The following GYG1 variants were observed in gnomAD, a reference collection of about 807,000 sequenced individuals.
GYG1 encodes glycogenin 1.
A neutral mutation model predicts 41.9 loss-of-function variants in GYG1; 44 were observed. The observed-to-expected ratio is 1.05, with a 90% CI of 0.83 to 1.35. The LOEUF is 1.35. Ranked by LOEUF, GYG1 falls within the 40% of genes most tolerant of loss-of-function variation. The pLI is 0.00. For synonymous variants in GYG1, 141 were observed against 158.1 expected (o/e 0.89, Z 0.81); for missense variants, 429 against 418.9 (o/e 1.02, Z -0.21).
chr3:149,030,330 A>C lies in GYG1; in HGVS notation c.*3397A>C, dbSNP rs2107929946. ...TTATCCTTCTTAGGAAGGACAAATT[A>C]AATTTTTTAAATTAAACTTTTAAAA... is the stretch of plus-strand genomic sequence containing the variant. On this transcript the variant is annotated 3_prime_UTR_variant, in exon 8 of 8. Coordinates refer to ENST00000345003, the MANE Select transcript of GYG1 (RefSeq NM_004130.4). The C allele has an allele frequency of 6.6e-6, 1 of 152,322 alleles. No homozygotes were observed. Among genetic ancestry groups the C allele is most frequent in the Middle Eastern group, 3.4e-3 (1 of 294 alleles). The allele number at this position is 152,322 out of a possible 1,614,324, so 9.4% of individuals were successfully genotyped here.
At chr3:149,026,339 T>TATC in intron 6 of GYG1, 113 bp from the exon 7 acceptor site, 1 of 779,570 alleles carries the variant, frequency 1.3e-6, no homozygotes, top group Non-Finnish European at 2.4e-6. Flanking sequence ...GCCTGTTGGG[T>TATC]ATCATTTTGT....
intron 5 of GYG1, among the ~76,000 whole-genome samples, chr3:149,015,503 C>G (rs1186678731): frequency 2.0e-5 from 3 of 152,056 alleles, no homozygotes; most frequent in Non-Finnish European, 4.4e-5. Flanking sequence ...ATTGCAGAAG[C>G]CGAGCAAGGA....
chr3:149,026,762 A>C lies in GYG1; in HGVS notation c.882A>C (p.Glu294Asp). 1 of 1,599,260 alleles carries C rather than the reference A, an allele frequency of 6.3e-7. No homozygotes were observed. The highest frequency in any genetic ancestry group is 1.1e-5 in the South Asian group (1 of 90,784). Reference protein sequence around the residue: ...LAFSCGFCRKEDVSGAISHLS... With the variant: ...LAFSCGFCRKDDVSGAISHLS... ...GTCAATTATGCTTTCCTTTCTAGGA[A>C]GATGTCTCAGGAGCCATATCACATC... is the stretch of plus-strand genomic sequence containing the variant. Residue 294 changes from glutamate to aspartate, a missense_variant and splice_region_variant, in exon 8 of 8, where the codon GAA (glutamate) becomes GAC (aspartate). By Grantham distance (45) the Glu-to-Asp change is conservative. Transcript: ENST00000345003.
chr3:149,023,252 T>C (rs1354984932), intron 5 of GYG1, among the ~76,000 whole-genome samples: 2 of 152,192 alleles, frequency 1.3e-5, no homozygotes, highest in Non-Finnish European at 1.5e-5. Flanking sequence ...ATTAGTCAAG[T>C]CAAGCCAAGC....
chr3:148,991,617 G>A lies in GYG1; in HGVS notation c.-24G>A. On this transcript the variant is annotated 5_prime_UTR_variant, in exon 1 of 8. Coordinates refer to ENST00000345003, the MANE Select transcript of GYG1 (RefSeq NM_004130.4). ...GAGTCACCAACCTGAGGCTGCCCCG[G>A]CCGCCTGCGCACCCGGCAGCACCAT... is the stretch of plus-strand genomic sequence containing the variant. The A allele has an allele frequency of 6.4e-7, 1 of 1,554,466 alleles. No homozygotes were observed.
At chr3:149,015,784 C>T (rs912435836) in intron 5 of GYG1, among the ~76,000 whole-genome samples, 4 of 151,976 alleles carry the variant, frequency 2.6e-5, no homozygotes, top group Non-Finnish European at 5.9e-5. Flanking sequence ...AATGTAGGTT[C>T]GAGAGAGGGC....
intron 5 of GYG1, among the ~76,000 whole-genome samples, chr3:149,013,052 G>A (rs1167326190): frequency 4.3e-5 from 6 of 138,726 alleles, no homozygotes; most frequent in Non-Finnish European, 9.2e-5. Flanking sequence ...ACACGGTTTT[G>A]CCATGTTGCC....
intron 1 of GYG1, among the ~76,000 whole-genome samples, chr3:148,993,462 C>G (rs1712604491): frequency 6.6e-6 from 1 of 152,028 alleles, no homozygotes; most frequent in Non-Finnish European, 1.5e-5. Context: ...GGGAAAGCCT[C>G]TTTGAGGAGC....
At chr3:149,021,152 G>A (rs1315872532) in intron 5 of GYG1, among the ~76,000 whole-genome samples, 2 of 152,160 alleles carry the variant, frequency 1.3e-5, no homozygotes, top group South Asian at 2.1e-4. Context: ...AGCCCTTAAT[G>A]TCAGTACTGC....
intron 5 of GYG1, among the ~76,000 whole-genome samples, chr3:149,016,832 G>C (rs1278375708): frequency 1.3e-5 from 2 of 152,200 alleles, no homozygotes; most frequent in African/African-American, 4.8e-5. Context: ...GGTTGTGGGA[G>C]AAGGGCTTGT....
Position 149,030,873 on chromosome 3 carries a change from T to C in GYG1, c.*3940T>C, listed in dbSNP as rs187928401. On this transcript the variant is annotated 3_prime_UTR_variant, in exon 8 of 8. Transcript: ENST00000345003. ...GACTTATCTGGTGAGAGATTTGGCA[T>C]ATACCTTCAATGTGTGCCCTATAAC... 2.0e-5 allele frequency: 3 copies of C among 152,350 alleles called. No individual in the cohort carries two copies. Among genetic ancestry groups the C allele is most frequent in the Non-Finnish European group, 4.4e-5 (3 of 68,028 alleles). The allele number at this position is 152,350 out of a possible 1,614,324, so 9.4% of individuals were successfully genotyped here.
intron 7 of GYG1, 24 bp from the exon 8 acceptor site, chr3:149,026,736 A>T: frequency 1.4e-6 from 2 of 1,478,822 alleles, no homozygotes; most frequent in South Asian, 1.1e-5. Context: ...GCTCTCATAG[A>T]GTCAATTATG....
intron 5 of GYG1, among the ~76,000 whole-genome samples, chr3:149,014,349 G>A (rs899393852): frequency 2.0e-5 from 3 of 152,136 alleles, no homozygotes; most frequent in African/African-American, 7.2e-5. Flanking sequence ...ACCCAACCCA[G>A]CCTTTAGATG....
rs113180499 is a variant in GYG1, at chr3:149,026,410, C to A, written c.829-42C>A. ...AGAATTTATCTTGAGACTTGTGTTCCCTTGCCCATCCATCTTACACTTTCT... is the reference window on the plus strand; with the variant it reads ...AGAATTTATCTTGAGACTTGTGTTCACTTGCCCATCCATCTTACACTTTCT... On this transcript the variant is annotated intron_variant, in intron 6 of 7. Coordinates refer to ENST00000345003, the MANE Select transcript of GYG1 (RefSeq NM_004130.4). 6.8e-4 allele frequency: 838 copies of A among 1,239,462 alleles called. 6 individuals are homozygous for A. Among genetic ancestry groups the A allele is most frequent in the Middle Eastern group, 5.6e-4 (3 of 5,370 alleles). 76.8% of individuals were successfully genotyped at this position (1,239,462 alleles called of 1,614,324 possible).
In GYG1 at chr3:149,026,868, G is replaced by T; in HGVS notation, c.988G>T (p.Ala330Ser). The change falls in exon 8 of 8, where the codon GCT becomes TCT. Residue 330 changes from alanine to serine, a missense_variant. Transcript: ENST00000345003. ...ERKERWEQGQ[A>S]DYMGADSFDN... ...GAAGGAACGATGGGAACAGGGCCAG[G>T]CTGATTATATGGGAGCAGATTCCTT... is the stretch of plus-strand genomic sequence containing the variant. The T allele has an allele frequency of 1.2e-6, 2 of 1,613,900 alleles. No individual in the cohort carries two copies. Among genetic ancestry groups the T allele is most frequent in the Non-Finnish European group, 1.7e-6 (2 of 1,179,802 alleles).
intron 7 of GYG1, 90 bp downstream of exon 7, chr3:149,026,592 CAT>C: frequency 9.7e-7 from 1 of 1,035,888 alleles, no homozygotes; most frequent in Non-Finnish European, 1.5e-6. Context: ...AGGAAAAAAT[CAT>C]ATAATCTATA....
chr3:148,996,515 T>C (rs768686300), intron 3 of GYG1, 39 bp downstream of exon 3: 1 of 1,545,360 alleles, frequency 6.5e-7, no homozygotes, highest in South Asian at 1.1e-5. Flanking sequence ...AAGACATATA[T>C]ATATATGGTG....
chr3:149,019,603 G>A (rs947338592), intron 5 of GYG1, among the ~76,000 whole-genome samples: 2 of 152,192 alleles, frequency 1.3e-5, no homozygotes, highest in Admixed American at 1.3e-4. Flanking sequence ...AGTGGATACA[G>A]TTTTTTCACT....
rs375949564 is a variant in GYG1 at position 148,991,578 on chromosome 3, G to C, written c.-63G>C. ...TCCTCGCTGGCCGCGCTCCCTCCCG[G>C]TGCCGGCTTCTCTGAGTCACCAACC... On this transcript the variant is annotated 5_prime_UTR_variant, in exon 1 of 8. Transcript: ENST00000345003. 1.3e-6 allele frequency: 2 copies of C among 1,540,254 alleles called. No homozygotes were observed. Among genetic ancestry groups the C allele is most frequent in the East Asian group, 2.4e-5 (1 of 41,036 alleles).
Sources: gnomAD v4.1 joint callset for allele counts (sites outside exome capture counted in the v4.1 genomes callset) on GRCh38, gnomAD v4.1.1 for gene constraint, MANE v1.5 for transcripts, NCBI Gene and HGNC (gene_info 2026-07-23, HGNC 2026-07-21) for gene names.